The following GRM7 variants were observed in gnomAD, a reference collection of about 807,000 sequenced individuals.
The protein encoded by GRM7 is metabotropic glutamate receptor 7.
A neutral mutation model predicts 84.5 loss-of-function variants in GRM7; 35 were observed. The ratio of observed to expected loss-of-function variants is 0.41; its 90% CI spans 0.32 to 0.55. The LOEUF (loss-of-function observed/expected upper bound fraction) is 0.55, where lower values mean the gene tolerates loss of function less well. GRM7 is among the 20% of genes least tolerant of loss of function. The pLI is 0.19. For synonymous variants in GRM7, 487 were observed against 455.1 expected, an observed-to-expected ratio of 1.07 and a Z score of -0.89; for missense variants, 1,003 against 1,194.6, an observed-to-expected ratio of 0.84 and a Z score of 2.36.
chr3:7,410,571 C>G (rs1052378272), intron 4 of GRM7, among the ~76,000 whole-genome samples: 1 of 139,004 alleles, frequency 7.2e-6, no homozygotes, highest in East Asian at 2.0e-4. Context: ...GACCCTGTCT[C>G]AAAAAAACAA....
At chr3:7,642,584 C>T (rs574874707) in intron 8 of GRM7, among the ~76,000 whole-genome samples, 4 of 152,154 alleles carry the variant, frequency 2.6e-5, no homozygotes, top group East Asian at 3.9e-4. Context: ...AATAAGGTCA[C>T]GGGACTGTAT....
At chr3:7,616,820 C>T (rs573768494) in intron 8 of GRM7, among the ~76,000 whole-genome samples, 2 of 152,196 alleles carry the variant, frequency 1.3e-5, no homozygotes, top group Admixed American at 6.6e-5. Flanking sequence ...TAAATGACTT[C>T]AGGATGAAAA....
At chr3:7,204,785 T>C (rs1319043868) in intron 2 of GRM7, among the ~76,000 whole-genome samples, 1 of 152,242 alleles carries the variant, frequency 6.6e-6, no homozygotes, top group Non-Finnish European at 1.5e-5. Context: ...CATTAATTTG[T>C]AGAGCAATTT....
intron 1 of GRM7, among the ~76,000 whole-genome samples, chr3:6,911,552 C>T (rs570951243): frequency 6.6e-5 from 10 of 152,068 alleles, no homozygotes; most frequent in South Asian, 6.2e-4. Flanking sequence ...ATTACAGAAG[C>T]AGGAAACTGG....
intron 1 of GRM7, among the ~76,000 whole-genome samples, chr3:6,929,879 T>C (rs1697439255): frequency 6.6e-6 from 1 of 152,162 alleles, no homozygotes; most frequent in South Asian, 2.1e-4. Context: ...CTGCCATGGA[T>C]CTTTTCCACA....
chr3:7,349,358 A>C (rs1028262685), intron 4 of GRM7, among the ~76,000 whole-genome samples: 1 of 152,170 alleles, frequency 6.6e-6, no homozygotes, highest in African/African-American at 2.4e-5. Context: ...AAAGTGGCCC[A>C]GCTGATGGGC....
At chr3:7,440,207 T>A (rs1697230958) in intron 5 of GRM7, among the ~76,000 whole-genome samples, 2 of 152,142 alleles carry the variant, frequency 1.3e-5, no homozygotes, top group South Asian at 4.1e-4. Flanking sequence ...GGAAGTCACT[T>A]GAGCCTAGGA....
chr3:7,259,818 T>G (rs1231051302), intron 2 of GRM7, among the ~76,000 whole-genome samples: 1 of 152,178 alleles, frequency 6.6e-6, no homozygotes, highest in Non-Finnish European at 1.5e-5. Context: ...GTAATGGGAT[T>G]TCTGGATTGA....
At chr3:7,349,132 C>T (rs1292778084) in intron 4 of GRM7, among the ~76,000 whole-genome samples, 1 of 152,126 alleles carries the variant, frequency 6.6e-6, no homozygotes, top group Non-Finnish European at 1.5e-5. Context: ...TGCAGTCTGA[C>T]AGGCTCTTAC....
At chr3:6,903,164 C>T (rs1042782290) in intron 1 of GRM7, among the ~76,000 whole-genome samples, 4 of 151,092 alleles carry the variant, frequency 2.6e-5, no homozygotes, top group African/African-American at 4.9e-5. Context: ...ATTACCCTAT[C>T]AACAATGTAT....
rs1553617438 is a variant in GRM7 at position 7,103,816 on chromosome 3, T to TTCTTTTTCTTTC, written c.520-42633_520-42632insTTTTCTTTCTCT. On this transcript the variant is annotated intron_variant, in intron 1 of 9. Transcript: ENST00000357716. ...TTTCTTTCTTTCTTTCTTTCTTTCTTTCTCTCTCTCTCTGTCTCTCTCTCC... is the reference window on the plus strand; with the variant it reads ...TTTCTTTCTTTCTTTCTTTCTTTCTTTCTTTTTCTTTCTCTCTCTCTCTCTGTCTCTCTCTCC... Among the ~76,000 whole-genome samples the TTCTTTTTCTTTC allele has an allele frequency of 1.0e-4, 9 of 89,058 alleles. 1 individual carries two copies. Among genetic ancestry groups the TTCTTTTTCTTTC allele is most frequent in the Non-Finnish European group, 1.6e-4 (7 of 43,728 alleles). The allele number at this position is 89,058 out of a possible 152,430, so 58.4% of individuals were successfully genotyped here.
intron 3 of GRM7, among the ~76,000 whole-genome samples, chr3:7,302,873 T>G (rs924798525): frequency 6.6e-6 from 1 of 151,946 alleles, no homozygotes; most frequent in Non-Finnish European, 1.5e-5. Context: ...TTGATCATTT[T>G]TGGATACATT....
At chr3:7,222,160 A>G (rs1559510203) in intron 2 of GRM7, among the ~76,000 whole-genome samples, 1 of 152,100 alleles carries the variant, frequency 6.6e-6, no homozygotes, top group Non-Finnish European at 1.5e-5. Flanking sequence ...TTGAAAGTAT[A>G]TTTGTGAATC....
In GRM7 at chr3:6,861,215, C is replaced by G. The variant is rs959128559; in HGVS notation, c.-174C>G. The stretch of plus-strand genomic sequence containing the variant: ...GCGCGAGGCGCCCCAGGCTGGCAGG[C>G]GCCGCGGGACCCCTCACCCTCTCTG... On this transcript the variant is annotated 5_prime_UTR_variant, in exon 1 of 10. Transcript: ENST00000357716. This position sits in a 1 kb window ranked among gnomAD's most constrained non-coding sequence, Gnocchi z 6.4. 10 of 508,166 alleles carry G rather than the reference C, an allele frequency of 2.0e-5. No individual in the cohort carries two copies. The Admixed American group carries it at 4.2e-4, about 21-fold the overall frequency. The allele number at this position is 508,166 out of a possible 1,614,324, so 31.5% of individuals were successfully genotyped here. A position where few individuals can be genotyped will look rare whatever the true frequency, so the allele number is the denominator to read the frequency against.
chr3:7,029,328 C>CAAACAAAAAAAAAAAA (rs1559394068), intron 1 of GRM7, among the ~76,000 whole-genome samples: 1 of 140,054 alleles, frequency 7.1e-6, no homozygotes. Flanking sequence ...AAAAAAAAAA[C>CAAACAAAAAAAAAAAA]AAACAAAAAA....
chr3:6,966,984 T>G (rs539827782), intron 1 of GRM7, among the ~76,000 whole-genome samples: 9 of 152,132 alleles, frequency 5.9e-5, no homozygotes, highest in African/African-American at 2.2e-4. Context: ...AAGATTAGAG[T>G]TGATTAAATA....
intron 2 of GRM7, among the ~76,000 whole-genome samples, chr3:7,281,591 A>G (rs1287369073): frequency 1.3e-5 from 2 of 152,160 alleles, no homozygotes; most frequent in African/African-American, 4.8e-5. Context: ...TTTTCCTAAG[A>G]AAGCAGATTT....
chr3:7,558,003 G>A (rs563010492), intron 7 of GRM7, among the ~76,000 whole-genome samples: 1 of 148,682 alleles, frequency 6.7e-6, no homozygotes, highest in South Asian at 2.1e-4. Context: ...ATTAACATAA[G>A]CAATGCAATT....
intron 1 of GRM7, among the ~76,000 whole-genome samples, chr3:7,097,050 C>A (rs1270633667): frequency 6.6e-6 from 1 of 152,088 alleles, no homozygotes; most frequent in Non-Finnish European, 1.5e-5. Flanking sequence ...GTTGAGGATA[C>A]AATCCGAGTC....
Sources: gnomAD v4.1 joint callset for allele counts (sites outside exome capture counted in the v4.1 genomes callset) on GRCh38, gnomAD v4.1.1 for gene constraint, Gnocchi (gnomAD v3.1) non-coding constraint, MANE v1.5 for transcripts, NCBI Gene and HGNC (gene_info 2026-07-23, HGNC 2026-07-21) for gene names.